The following XXYLT1 variants were observed in gnomAD, a reference collection of about 807,000 sequenced individuals.
XXYLT1 encodes the protein UDP-xylose:alpha-xyloside alpha-1,3-xylosyltransferase.
In XXYLT1, 20 loss-of-function variants were observed where a neutral mutation model predicts 28.9. The ratio of observed to expected loss-of-function variants is 0.69; its 90% CI spans 0.49 to 1.00. XXYLT1 has a LOEUF of 1.00. Ranked by LOEUF, XXYLT1 falls within the 50% of genes least tolerant of loss-of-function variation. XXYLT1 has a pLI of 0.00. For synonymous variants in XXYLT1, 257 were observed against 253.8 expected (o/e 1.01, Z -0.12); for missense variants, 542 against 560.1 (o/e 0.97, Z 0.33).
chr3:195,159,483 G>A (rs1720761342), intron 2 of XXYLT1, among the ~76,000 whole-genome samples: 1 of 152,202 alleles, frequency 6.6e-6, no homozygotes, highest in African/African-American at 2.4e-5. Flanking sequence ...AGAGCAGAAT[G>A]CATTGTGTAA....
At chr3:195,119,317 A>C (rs534477132) in intron 3 of XXYLT1, among the ~76,000 whole-genome samples, 1 of 151,552 alleles carries the variant, frequency 6.6e-6, no homozygotes, top group Admixed American at 6.6e-5. Context: ...GAAATAACAT[A>C]TATAGTGAAG....
rs141961204 is a variant in XXYLT1 at position 195,173,149 on chromosome 3, C to T, written c.653-16568G>A. Among the ~76,000 whole-genome samples the T allele has an allele frequency of 4.6e-4, 70 of 152,308 alleles. No individual in the cohort carries two copies. Among genetic ancestry groups the T allele is most frequent in the African/African-American group, 1.5e-3 (61 of 41,554 alleles). ...CCATCAGGAGCTCTGGCTCTCTAGA[C>T]GGTGCTCCCAACAGTGGAGATGCTC... is the stretch of plus-strand genomic sequence containing the variant. On this transcript the variant is annotated intron_variant, in intron 2 of 3. Coordinates refer to ENST00000310380, the MANE Select transcript of XXYLT1 (RefSeq NM_152531.5). The surrounding 1 kb of genome is among the most constrained non-coding windows in gnomAD (Gnocchi z 4.3).
intron 2 of XXYLT1, among the ~76,000 whole-genome samples, chr3:195,218,472 AAAAC>A (rs1402711626): frequency 6.6e-6 from 1 of 151,136 alleles, no homozygotes; most frequent in Admixed American, 6.6e-5. Flanking sequence ...TTACAAGAAA[AAAAC>A]AAACAACCCC....
intron 1 of XXYLT1, among the ~76,000 whole-genome samples, chr3:195,244,795 T>A (rs1724938409): frequency 6.7e-6 from 1 of 148,392 alleles, no homozygotes; most frequent in South Asian, 2.1e-4. Flanking sequence ...CATGTTTCAT[T>A]TAAAAATTTT....
At chr3:195,160,664 C>T (rs1445019232) in intron 2 of XXYLT1, among the ~76,000 whole-genome samples, 3 of 152,200 alleles carry the variant, frequency 2.0e-5, no homozygotes, top group Non-Finnish European at 4.4e-5. Flanking sequence ...GGAGACTTCC[C>T]CTAACAGTGA....
intron 2 of XXYLT1, among the ~76,000 whole-genome samples, chr3:195,216,116 G>C (rs547915219): frequency 4.6e-4 from 70 of 152,188 alleles, no homozygotes; most frequent in African/African-American, 1.7e-3. Context: ...GATGTTCTTT[G>C]AAACCAACGA....
At chr3:195,141,634 G>A (rs1719496004) in intron 3 of XXYLT1, among the ~76,000 whole-genome samples, 1 of 152,176 alleles carries the variant, frequency 6.6e-6, no homozygotes, top group Non-Finnish European at 1.5e-5. Context: ...CAAAGACCGA[G>A]AGCTCAGTGG....
rs142443664 is a variant in XXYLT1, at chr3:195,197,918, T to C, written c.652+28791A>G. Reference sequence around the variant, plus strand: ...CCTTCCCAAGGCTAGGGAAGAGCTCTACTGGCCTCACCCACCAGTTAACTT... The same window carrying C: ...CCTTCCCAAGGCTAGGGAAGAGCTCCACTGGCCTCACCCACCAGTTAACTT... On this transcript the variant is annotated intron_variant, in intron 2 of 3. Coordinates refer to ENST00000310380, the MANE Select transcript of XXYLT1 (RefSeq NM_152531.5). 5.0e-3 allele frequency among the ~76,000 whole-genome samples: 767 copies of C among 152,360 alleles called. 2 individuals carry two copies. Among genetic ancestry groups the C allele is most frequent in the Middle Eastern group, 0.027 (8 of 294 alleles).
rs1714619388 is a variant in XXYLT1, at chr3:195,068,379, A to G, written c.*1336T>C. On this transcript the variant is annotated 3_prime_UTR_variant, in exon 4 of 4. Transcript: ENST00000310380. ...ACAAGATGAAAATTGATACAAATGG[A>G]CCCCTGGGGCTTTCACGTCTGCAGC... The G allele has an allele frequency of 1.3e-5, 2 of 150,314 alleles. No individual in the cohort carries two copies. The highest frequency in any genetic ancestry group is 1.3e-4 in the Admixed American group (2 of 15,068). 9.3% of individuals were successfully genotyped at this position (150,314 alleles called of 1,614,324 possible).
At chr3:195,136,307 T>C (rs1719197392) in intron 3 of XXYLT1, among the ~76,000 whole-genome samples, 1 of 152,160 alleles carries the variant, frequency 6.6e-6, no homozygotes, top group Non-Finnish European at 1.5e-5. Flanking sequence ...AACATACACC[T>C]GTATACTGCA....
intron 3 of XXYLT1, among the ~76,000 whole-genome samples, chr3:195,088,653 G>A (rs1715950267): frequency 1.4e-5 from 2 of 138,072 alleles, no homozygotes; most frequent in Non-Finnish European, 3.1e-5. Context: ...TTCCTCACCA[G>A]CAACAGAACA....
chr3:195,207,445 G>A (rs1449140622), intron 2 of XXYLT1: 1 of 456,496 alleles, frequency 2.2e-6, no homozygotes. Context: ...GGGACCGACA[G>A]ACAGGCCTTC....
chr3:195,258,761 G>A (rs1252418371), intron 1 of XXYLT1, among the ~76,000 whole-genome samples: 1 of 152,244 alleles, frequency 6.6e-6, no homozygotes, highest in African/African-American at 2.4e-5. Flanking sequence ...AAGGCATCCT[G>A]TGCTTTCAGA....
intron 2 of XXYLT1, among the ~76,000 whole-genome samples, chr3:195,218,552 A>C (rs377666232): frequency 0.021 from 3,014 of 143,708 alleles, no homozygotes; most frequent in East Asian, 0.1. Flanking sequence ...CAGCCAAAAA[A>C]CACATGAAAA....
At chr3:195,146,805 A>G (rs1173167506) in intron 3 of XXYLT1, 2 of 153,018 alleles carry the variant, frequency 1.3e-5, no homozygotes, top group African/African-American at 4.8e-5. Context: ...TAATCAGCAC[A>G]GGAGTTTTAA....
intron 1 of XXYLT1, among the ~76,000 whole-genome samples, chr3:195,253,503 C>CTTTTT (rs1231480044): frequency 4.8e-4 from 63 of 130,234 alleles, no homozygotes; most frequent in Non-Finnish European, 9.3e-4. Flanking sequence ...CTTTTTTTTT[C>CTTTTT]TTTTTTTTTT....
chr3:195,085,041 C>T (rs1043631842), intron 3 of XXYLT1, among the ~76,000 whole-genome samples: 54 of 152,194 alleles, frequency 3.5e-4, no homozygotes, highest in African/African-American at 1.2e-3. Flanking sequence ...TCTGAGCAGC[C>T]GCAGAGTCTT....
chr3:195,248,440 C>T (rs1316312800), intron 1 of XXYLT1, among the ~76,000 whole-genome samples: 2 of 152,084 alleles, frequency 1.3e-5, no homozygotes, highest in South Asian at 2.1e-4. Context: ...CTGATGGTTC[C>T]GTAAGGAGGA....
At chr3:195,084,170 G>A (rs1715596902) in intron 3 of XXYLT1, among the ~76,000 whole-genome samples, 1 of 152,224 alleles carries the variant, frequency 6.6e-6, no homozygotes, top group African/African-American at 2.4e-5. Context: ...AGCGGGCTTT[G>A]GTTCTCTGGG....
Sources: allele counts gnomAD v4.1 joint callset (sites outside exome capture counted in the v4.1 genomes callset), GRCh38; gene constraint gnomAD v4.1.1; non-coding constraint Gnocchi (gnomAD v3.1); transcripts MANE v1.5; gene names NCBI Gene and HGNC (gene_info 2026-07-23, HGNC 2026-07-21).